The following ZNF331 variants were observed in gnomAD, a reference collection of about 807,000 sequenced individuals.
The protein encoded by ZNF331 is C2H2-like zinc finger protein rearranged in thyroid adenomas.
ZNF331 carries 2 observed loss-of-function variants against 7.0 expected under a neutral mutation model. The ratio of observed to expected loss-of-function variants is 0.29; its 90% CI spans 0.12 to 0.90. The LOEUF (loss-of-function observed/expected upper bound fraction) is 0.90, where lower values mean the gene tolerates loss of function less well. ZNF331 is among the 40% of genes least tolerant of loss of function. The pLI is 0.58. For missense variants in ZNF331, 432 were observed against 587.7 expected (o/e 0.74, Z 2.74); for synonymous variants, 196 against 205.4 (o/e 0.95, Z 0.39).
chr19:53,573,624 C>T lies in ZNF331; in HGVS notation c.136+1894C>T, dbSNP rs569226118. On this transcript the variant is annotated intron_variant, in intron 5 of 5. Coordinates refer to ENST00000449416, the MANE Select transcript of ZNF331 (RefSeq NM_001079906.2). The surrounding 1 kb of genome is among the most constrained non-coding windows in gnomAD (Gnocchi z 4.2). Reference sequence around the variant, plus strand: ...CAGGGACCACAGGTGCACACCACGACACCCGGCTAATTGTTGTGTTTTTTC... The same window carrying T: ...CAGGGACCACAGGTGCACACCACGATACCCGGCTAATTGTTGTGTTTTTTC... Among the ~76,000 whole-genome samples the T allele has an allele frequency of 4.9e-4, 74 of 152,112 alleles. No individual in the cohort carries two copies. The highest frequency in any genetic ancestry group is 1.1e-3 in the Non-Finnish European group (72 of 68,000).
intron 2 of ZNF331, among the ~76,000 whole-genome samples, chr19:53,542,064 C>G (rs893773632): frequency 2.6e-5 from 4 of 151,874 alleles, no homozygotes; most frequent in Non-Finnish European, 2.9e-5. Context: ...TCTTCTTTGC[C>G]TCTAAGCATG....
the ZNF331 span, among the ~76,000 whole-genome samples, chr19:53,509,126 C>T: frequency 9.9e-5 from 15 of 152,086 alleles, no homozygotes; most frequent in Admixed American, 4.6e-4. Flanking sequence ...GGTTCCTGTG[C>T]GTTTGGTCTC....
At chr19:53,510,075 G>A in the ZNF331 span, among the ~76,000 whole-genome samples, 1 of 152,196 alleles carries the variant, frequency 6.6e-6, no homozygotes, top group Non-Finnish European at 1.5e-5. Flanking sequence ...ATTACAATTA[G>A]ACATGAGATT....
the ZNF331 span, among the ~76,000 whole-genome samples, chr19:53,506,843 G>A: frequency 6.6e-6 from 1 of 152,130 alleles, no homozygotes; most frequent in Non-Finnish European, 1.5e-5. Context: ...TTGGGTGCAG[G>A]TAGGGACGTG....
At chr19:53,547,818 A>G (rs953567067) in intron 2 of ZNF331, among the ~76,000 whole-genome samples, 2 of 152,076 alleles carry the variant, frequency 1.3e-5, no homozygotes, top group Non-Finnish European at 2.9e-5. Context: ...AGCAATTTGT[A>G]TGTGTTCTAT....
At chr19:53,518,926 TG>T (rs546138486), upstream of ZNF331, among the ~76,000 whole-genome samples, 28 of 152,372 alleles carry the variant, frequency 1.8e-4, no homozygotes, top group Non-Finnish European at 3.1e-4. Flanking sequence ...CAGAGTCCTC[TG>T]GGGAGGACAG....
At chr19:53,548,442 A>C (rs1057457609) in intron 2 of ZNF331, among the ~76,000 whole-genome samples, 36 of 152,096 alleles carry the variant, frequency 2.4e-4, no homozygotes, top group Admixed American at 1.4e-3. Flanking sequence ...TTTTTTGTAG[A>C]TATGGGGTCT....
intron 2 of ZNF331, among the ~76,000 whole-genome samples, chr19:53,526,809 C>T (rs191952636): frequency 0.011 from 1,665 of 151,952 alleles, 35 homozygotes; most frequent in African/African-American, 0.037. Context: ...ACCTCGGCCT[C>T]CCAAAGTGCT....
At chr19:53,528,605 T>C (rs898106012) in intron 2 of ZNF331, among the ~76,000 whole-genome samples, 3 of 152,338 alleles carry the variant, frequency 2.0e-5, no homozygotes, top group Middle Eastern at 3.4e-3. Context: ...GAGCCTGTGT[T>C]CTTAATTTCT....
chr19:53,508,856 G>A, the ZNF331 span, among the ~76,000 whole-genome samples: 1 of 152,156 alleles, frequency 6.6e-6, no homozygotes, highest in Non-Finnish European at 1.5e-5. Flanking sequence ...GGAGACAGTA[G>A]GGGATCATGA....
At chr19:53,546,140 G>GCAAAAAAAAAAAAAAAAAA (rs551214509) in intron 2 of ZNF331, among the ~76,000 whole-genome samples, 1 of 113,484 alleles carries the variant, frequency 8.8e-6, no homozygotes, top group Non-Finnish European at 1.9e-5. Context: ...TCCTGAGGGG[G>GCAAAAAAAAAAAAAAAAAA]AAAAAAAAAA....
chr19:53,547,598 C>G (rs1367677676), intron 2 of ZNF331, among the ~76,000 whole-genome samples: 1 of 152,184 alleles, frequency 6.6e-6, no homozygotes, highest in Non-Finnish European at 1.5e-5. Context: ...TCAGGCATCT[C>G]CACGGTGTTT....
At chr19:53,559,422 TACAC>T (rs560932419) in intron 3 of ZNF331, among the ~76,000 whole-genome samples, 3 of 147,626 alleles carry the variant, frequency 2.0e-5, no homozygotes, top group African/African-American at 7.6e-5. Context: ...ATACACATCG[TACAC>T]ACACACCATA....
chr19:53,569,462 C>G (rs1314725399), intron 4 of ZNF331, 77 bp downstream of exon 4: 6 of 1,519,768 alleles, frequency 3.9e-6, no homozygotes, highest in Non-Finnish European at 5.5e-6. Context: ...TATCTGAAGC[C>G]TTTTATCTAG....
chr19:53,528,519 T>G (rs2087395438), intron 2 of ZNF331, among the ~76,000 whole-genome samples: 1 of 152,224 alleles, frequency 6.6e-6, no homozygotes, highest in Non-Finnish European at 1.5e-5. Flanking sequence ...TATTCCAGTT[T>G]CACCAGTGAG....
intron 4 of ZNF331, among the ~76,000 whole-genome samples, chr19:53,570,684 C>T (rs924265267): frequency 1.1e-4 from 16 of 151,482 alleles, no homozygotes; most frequent in Admixed American, 2.0e-4. Flanking sequence ...AGGGATGCGC[C>T]GCCACACCCA....
rs982473582 is a variant in ZNF331, at chr19:53,579,428, A to G, written c.*1476A>G. 6 of 218,398 alleles carry G rather than the reference A, an allele frequency of 2.7e-5. No homozygotes were observed. The highest frequency in any genetic ancestry group is 2.3e-4 in the Admixed American group (4 of 17,166). 13.5% of individuals were successfully genotyped at this position (218,398 alleles called of 1,614,324 possible). On this transcript the variant is annotated 3_prime_UTR_variant, in exon 6 of 6. Transcript: ENST00000449416. ...GTGCGTTGTCCAGCACACAGACACT[A>G]TGTGCATTATTTGTACATAAGGATA...
upstream of ZNF331, among the ~76,000 whole-genome samples, chr19:53,535,901 G>A (rs2087730472): frequency 6.6e-6 from 1 of 151,728 alleles, no homozygotes; most frequent in African/African-American, 2.4e-5. Flanking sequence ...TGCCTCCCAG[G>A]TTCAAGCGAA....
In ZNF331 at chr19:53,580,223, AATTATT is replaced by A. The variant is rs1179718396; in HGVS notation, c.*2275_*2280del. ...ACATTGTACTCCATCAATATAATAC[AATTATT>A]ATTTGTCAATCAAATATTAATAAAA... On this transcript the variant is annotated 3_prime_UTR_variant, in exon 6 of 6. Coordinates refer to ENST00000449416, the MANE Select transcript of ZNF331 (RefSeq NM_001079906.2). 1 of 186,874 alleles carries A rather than the reference AATTATT, an allele frequency of 5.4e-6. No homozygotes were observed. Among genetic ancestry groups the A allele is most frequent in the African/African-American group, 2.3e-5 (1 of 42,728 alleles). 11.6% of individuals were successfully genotyped at this position (186,874 alleles called of 1,614,324 possible).
Sources: allele counts gnomAD v4.1 joint callset (sites outside exome capture counted in the v4.1 genomes callset), GRCh38; gene constraint gnomAD v4.1.1; non-coding constraint Gnocchi (gnomAD v3.1); transcripts MANE v1.5; gene names NCBI Gene and HGNC (gene_info 2026-07-23, HGNC 2026-07-21).